SBF2: variants seen among roughly 807,000 people sequenced by gnomAD.
SBF2 encodes the protein myotubularin-related protein 13.
In SBF2, 112 loss-of-function variants were observed where a neutral mutation model predicts 225.2. The observed-to-expected ratio is 0.50, with a 90% CI of 0.43 to 0.58. SBF2 has a LOEUF of 0.58. Among genes scored for constraint, SBF2 ranks in the 20% least tolerant of loss-of-function variants. SBF2 has a pLI of 0.00. For missense variants in SBF2, 1,996 were observed against 2,206.2 expected (o/e 0.90, Z 1.91); for synonymous variants, 763 against 773.3 (o/e 0.99, Z 0.22).
intron 1 of SBF2, among the ~76,000 whole-genome samples, chr11:10,206,500 G>A (rs1957756291): frequency 6.6e-6 from 1 of 151,784 alleles, no homozygotes; most frequent in Admixed American, 6.6e-5. Context: ...CAACTTGAAT[G>A]ACAAAAAGAC....
intron 17 of SBF2, among the ~76,000 whole-genome samples, chr11:9,884,385 T>A (rs369968121): frequency 8.6e-5 from 13 of 151,908 alleles, no homozygotes; most frequent in African/African-American, 2.4e-4. Context: ...TTCCTACTTT[T>A]AAAAAAAATG....
Position 9,817,006 on chromosome 11 carries a change from C to T in SBF2, c.3812G>A (p.Arg1271His), listed in dbSNP as rs201249004. The T allele has an allele frequency of 6.9e-5, 112 of 1,614,006 alleles. No homozygotes were observed. Among genetic ancestry groups the T allele is most frequent in the Non-Finnish European group, 8.6e-5 (102 of 1,179,992 alleles). ...AGAGCTGATCAAGCGAGTGCTAGAG[C>T]GAAGACTTGCCCACACACCTTCACA... ...ALSPGVWASL[R>H]SSTRLISSPT... Residue 1271 changes from arginine (R) to histidine (H), a missense_variant, in exon 29 of 40, where the codon CGC (arginine) becomes CAC (histidine). By Grantham distance (29) the Arg-to-His change is conservative. Transcript: ENST00000256190.
At chr11:9,836,465 T>C (rs756068526) in intron 26 of SBF2, among the ~76,000 whole-genome samples, 1 of 152,206 alleles carries the variant, frequency 6.6e-6, no homozygotes, top group Non-Finnish European at 1.5e-5. Flanking sequence ...TTTGCTCCAC[T>C]GGTCCGTTTG....
At chr11:9,974,068 T>C (rs1946569463) in intron 13 of SBF2, among the ~76,000 whole-genome samples, 1 of 152,188 alleles carries the variant, frequency 6.6e-6, no homozygotes, top group Non-Finnish European at 1.5e-5. Context: ...AACTGGACTC[T>C]TTAGAGTTGC....
chr11:10,238,816 G>C (rs1001067453), intron 1 of SBF2, among the ~76,000 whole-genome samples: 1 of 150,882 alleles, frequency 6.6e-6, no homozygotes, highest in Non-Finnish European at 1.5e-5. Flanking sequence ...AGGAGGCTGA[G>C]GCAAAAGAAT....
At position 10,209,442 on chromosome 11, in the gene SBF2, C is replaced by CTGTA. The variant is rs1459937982; in HGVS notation, c.56-15456_56-15455insTACA. Among the ~76,000 whole-genome samples, 4 of 152,074 alleles carry CTGTA rather than the reference C, an allele frequency of 2.6e-5. No homozygotes were observed. The East Asian group carries it at 7.7e-4, about 29-fold the overall frequency. On this transcript the variant is annotated intron_variant, in intron 1 of 39. Transcript: ENST00000256190. ...CTTCTCTCAAACGCAAACTTCCTAT[C>CTGTA]CTGCAAAAAGCATTACAGATTGTTT...
intron 16 of SBF2, among the ~76,000 whole-genome samples, chr11:9,899,961 T>C (rs1367859761): frequency 6.6e-6 from 1 of 151,352 alleles, no homozygotes; most frequent in East Asian, 1.9e-4. Flanking sequence ...AGAGTACTGA[T>C]AGCTGTTACT....
chr11:10,174,122 A>T (rs539427700), intron 2 of SBF2, among the ~76,000 whole-genome samples: 3 of 152,112 alleles, frequency 2.0e-5, no homozygotes, highest in Admixed American at 6.6e-5. Context: ...CTCCAAAGCA[A>T]CACAGTTCCT....
At chr11:9,848,046 C>G (rs1856677894) in intron 22 of SBF2, among the ~76,000 whole-genome samples, 1 of 150,194 alleles carries the variant, frequency 6.7e-6, no homozygotes, top group Non-Finnish European at 1.5e-5. Context: ...AGGAACATAA[C>G]AGGAGTGGCA....
chr11:10,109,583 C>G (rs1478640309), intron 2 of SBF2, among the ~76,000 whole-genome samples: 1 of 152,180 alleles, frequency 6.6e-6, no homozygotes, highest in Non-Finnish European at 1.5e-5. Flanking sequence ...ACATGATATT[C>G]TGAGAATCCA....
At chr11:10,152,362 C>T (rs1172702858) in intron 2 of SBF2, among the ~76,000 whole-genome samples, 2 of 122,650 alleles carry the variant, frequency 1.6e-5, no homozygotes, top group Non-Finnish European at 3.8e-5. Context: ...ACCAGCCTGA[C>T]CAACATGGAG....
At chr11:10,092,999 C>T (rs1364230865) in intron 2 of SBF2, among the ~76,000 whole-genome samples, 3 of 150,284 alleles carry the variant, frequency 2.0e-5, no homozygotes, top group Non-Finnish European at 4.4e-5. Flanking sequence ...AGTCACAATT[C>T]CTCATTTTCT....
intron 29 of SBF2, among the ~76,000 whole-genome samples, chr11:9,814,941 T>C (rs532733267): frequency 4.1e-4 from 62 of 152,316 alleles, no homozygotes; most frequent in African/African-American, 1.4e-3. Context: ...GTCACTGTAA[T>C]TTATTGGCTT....
At position 10,223,402 on chromosome 11, in the gene SBF2, TA is replaced by T. The variant is rs1958415500; in HGVS notation, c.56-29416del. Among the ~76,000 whole-genome samples the T allele has an allele frequency of 5.0e-4, 29 of 58,394 alleles. 1 individual carries two copies. The highest frequency in any genetic ancestry group is 1.9e-3 in the Admixed American group (11 of 5,914). The allele number at this position is 58,394 out of a possible 152,430, so 38.3% of individuals were successfully genotyped here. A position where few individuals can be genotyped will look rare whatever the true frequency, so the allele number is the denominator to read the frequency against. ...TAAACAACACATATTTTGCACATTATATATATATATATATATATATATATAT... is the reference window on the plus strand; with the variant it reads ...TAAACAACACATATTTTGCACATTATTATATATATATATATATATATATAT... On this transcript the variant is annotated intron_variant, in intron 1 of 39. Transcript: ENST00000256190.
At chr11:9,889,988 C>G (rs550020041) in intron 17 of SBF2, among the ~76,000 whole-genome samples, 10 of 152,130 alleles carry the variant, frequency 6.6e-5, no homozygotes, top group Non-Finnish European at 1.2e-4. Context: ...ACTGCAACCT[C>G]CACCTCCCAG....
At chr11:10,195,552 C>T (rs1183874512) in intron 1 of SBF2, among the ~76,000 whole-genome samples, 1 of 152,196 alleles carries the variant, frequency 6.6e-6, no homozygotes, top group African/African-American at 2.4e-5. Context: ...GAAGTCTTCA[C>T]AACGAATTCA....
intron 16 of SBF2, among the ~76,000 whole-genome samples, chr11:9,938,021 G>A (rs995123715): frequency 2.7e-5 from 4 of 149,926 alleles, no homozygotes; most frequent in East Asian, 2.0e-4. Context: ...GGTCGGGCAC[G>A]GTAGCTCACA....
At chr11:10,076,608 C>G (rs1056032464) in intron 2 of SBF2, among the ~76,000 whole-genome samples, 4 of 152,198 alleles carry the variant, frequency 2.6e-5, no homozygotes, top group Admixed American at 6.5e-5. Flanking sequence ...AGAAAGACTG[C>G]TTATAACTTG....
At chr11:10,181,903 C>A (rs1434795126) in intron 2 of SBF2, among the ~76,000 whole-genome samples, 1 of 152,148 alleles carries the variant, frequency 6.6e-6, no homozygotes, top group Non-Finnish European at 1.5e-5. Flanking sequence ...AATAAATACA[C>A]ATATGTGTTT....
Sources: gnomAD v4.1 joint callset for allele counts (sites outside exome capture counted in the v4.1 genomes callset) on GRCh38, gnomAD v4.1.1 for gene constraint, MANE v1.5 for transcripts, NCBI Gene and HGNC (gene_info 2026-07-23, HGNC 2026-07-21) for gene names.